SLC41A2: variants seen among roughly 807,000 people sequenced by gnomAD.
SLC41A2 encodes solute carrier family 41 member 2.
Under a neutral mutation model 58.3 loss-of-function variants are expected in SLC41A2, and 32 were observed. The ratio of observed to expected loss-of-function variants is 0.55; its 90% CI spans 0.41 to 0.74. SLC41A2 has a LOEUF of 0.74. SLC41A2 is among the 30% of genes least tolerant of loss of function. The pLI, the probability that SLC41A2 is intolerant of heterozygous loss-of-function variation, is 0.00. For synonymous variants in SLC41A2, 190 were observed against 235.0 expected (o/e 0.81, Z 1.75); for missense variants, 514 against 680.6 (o/e 0.76, Z 2.72).
Position 104,950,933 on chromosome 12 carries a change from G to A in SLC41A2, c.-168+7155C>T, listed in dbSNP as rs1286901059. ...GAACTGGGTATGCCTAGATTGAGGT[G>A]GCTGGGGGAGGGGTAAGCAGTAATA... On this transcript the variant is annotated intron_variant, in intron 1 of 10. Transcript: ENST00000258538. 2.6e-5 allele frequency among the ~76,000 whole-genome samples: 4 copies of A among 152,242 alleles called. No homozygotes were observed. The East Asian group carries it at 5.8e-4, about 22-fold the overall frequency.
At chr12:104,884,291 G>A (rs539825022) in intron 6 of SLC41A2, among the ~76,000 whole-genome samples, 11 of 152,248 alleles carry the variant, frequency 7.2e-5, no homozygotes, top group South Asian at 4.2e-4. Context: ...GACCCCTTGC[G>A]CTTCCCTGGT....
rs150094052 is a variant in SLC41A2 at position 104,933,303 on chromosome 12, G to T, written c.-167-4609C>A. On this transcript the variant is annotated intron_variant, in intron 1 of 10. Coordinates refer to ENST00000258538, the MANE Select transcript of SLC41A2 (RefSeq NM_001352171.3). Reference sequence around the variant, plus strand: ...GTGCTCAAAATCACTAATCATCAGGGAAATGCAAATTAAAACCACAATGAA... The same window carrying T: ...GTGCTCAAAATCACTAATCATCAGGTAAATGCAAATTAAAACCACAATGAA... Among the ~76,000 whole-genome samples the T allele has an allele frequency of 2.8e-3, 424 of 152,190 alleles. 3 individuals carry two copies. The highest frequency in any genetic ancestry group is 5.0e-3 in the Non-Finnish European group (342 of 68,012).
chr12:104,904,644 T>TGGCGCGTCTGGAG (rs2045726908), intron 3 of SLC41A2, among the ~76,000 whole-genome samples: 6 of 151,802 alleles, frequency 4.0e-5, no homozygotes, highest in Admixed American at 1.3e-4. Context: ...CCTTCTGATG[T>TGGCGCGTCTGGAG]TCAGATGTGT....
Position 104,900,825 on chromosome 12 carries a change from T to A in SLC41A2, c.664-5480A>T, listed in dbSNP as rs138989368. 6.4e-3 allele frequency among the ~76,000 whole-genome samples: 981 copies of A among 152,332 alleles called. 8 individuals are homozygous for A. The highest frequency in any genetic ancestry group is 0.023 in the African/African-American group (938 of 41,578). On this transcript the variant is annotated intron_variant, in intron 3 of 10. Coordinates refer to ENST00000258538, the MANE Select transcript of SLC41A2 (RefSeq NM_001352171.3). ...ATTAATATAATTATCTAGGTTTTAA[T>A]TTGACTTTATTTTAGAACTTTTAGA... is the stretch of plus-strand genomic sequence containing the variant.
intron 3 of SLC41A2, among the ~76,000 whole-genome samples, chr12:104,905,086 C>T (rs893700320): frequency 2.4e-4 from 36 of 151,938 alleles, no homozygotes; most frequent in Non-Finnish European, 3.8e-4. Flanking sequence ...AGGTTCTCCA[C>T]GTCCCCATCA....
intron 1 of SLC41A2, among the ~76,000 whole-genome samples, chr12:104,932,745 C>T (rs11112244): frequency 0.073 from 10,985 of 150,516 alleles, 440 homozygotes; most frequent in Middle Eastern, 0.094. Flanking sequence ...ATACAACCAA[C>T]TGATATTCAA....
intron 6 of SLC41A2, among the ~76,000 whole-genome samples, chr12:104,875,477 A>G (rs554560827): frequency 6.6e-6 from 1 of 152,192 alleles, no homozygotes; most frequent in East Asian, 1.9e-4. Context: ...GAAAATTGGT[A>G]TCAGGTGATG....
chr12:104,865,547 G>A (rs190085241), intron 7 of SLC41A2, among the ~76,000 whole-genome samples: 1 of 152,246 alleles, frequency 6.6e-6, no homozygotes, highest in African/African-American at 2.4e-5. Flanking sequence ...GCAGTTAGGT[G>A]TCAGCTTTTT....
In SLC41A2 at chr12:104,802,337, T is replaced by C. The variant is rs1470673566; in HGVS notation, c.*2815A>G. Among the ~76,000 whole-genome samples, 5 of 152,232 alleles carry C rather than the reference T, an allele frequency of 3.3e-5. No homozygotes were observed. Among genetic ancestry groups the C allele is most frequent in the African/African-American group, 1.2e-4 (5 of 41,464 alleles). On this transcript the variant is annotated 3_prime_UTR_variant, in exon 11 of 11. Transcript: ENST00000258538. ...GTGAATTCACATTACTTAAGACTGA[T>C]AATAGATTATTGTTGTGGGTAAATG...
At chr12:104,891,287 G>A (rs77012561) in intron 4 of SLC41A2, among the ~76,000 whole-genome samples, 2,882 of 152,074 alleles carry the variant, frequency 0.019, 32 homozygotes, top group African/African-American at 0.036. Flanking sequence ...CCCTAGCCAT[G>A]TCTGACTCCT....
At chr12:104,907,428 AC>A (rs1002516320) in intron 3 of SLC41A2, among the ~76,000 whole-genome samples, 1 of 152,080 alleles carries the variant, frequency 6.6e-6, no homozygotes, top group African/African-American at 2.4e-5. Flanking sequence ...GCTGACTGAT[AC>A]CCCCAAACAT....
At chr12:104,845,180 T>C (rs2042558963) in intron 9 of SLC41A2, among the ~76,000 whole-genome samples, 1 of 152,064 alleles carries the variant, frequency 6.6e-6, no homozygotes, top group Non-Finnish European at 1.5e-5. Flanking sequence ...TAGTCCCAGC[T>C]ACTCAGAAGG....
At chr12:104,867,203 T>C (rs2043510150) in intron 6 of SLC41A2, among the ~76,000 whole-genome samples, 1 of 152,058 alleles carries the variant, frequency 6.6e-6, no homozygotes, top group African/African-American at 2.4e-5. Context: ...AAAAACTAGG[T>C]TTGATTCTCA....
intron 1 of SLC41A2, among the ~76,000 whole-genome samples, chr12:104,947,315 T>A (rs2047764626): frequency 6.7e-6 from 1 of 149,980 alleles, no homozygotes; most frequent in African/African-American, 2.4e-5. Flanking sequence ...GCAATTCTTC[T>A]GCCTCAGCCT....
intron 7 of SLC41A2, 64 bp downstream of exon 7, chr12:104,866,368 A>G: frequency 1.4e-6 from 2 of 1,388,540 alleles, no homozygotes; most frequent in Non-Finnish European, 1.9e-6. Flanking sequence ...AGACACACAA[A>G]GACAGACAGA....
chr12:104,823,722 A>C (rs1329206937), intron 10 of SLC41A2, among the ~76,000 whole-genome samples: 3 of 152,216 alleles, frequency 2.0e-5, no homozygotes, highest in Admixed American at 2.0e-4. Flanking sequence ...ATTTCTTAGG[A>C]TATGAAAAGC....
intron 1 of SLC41A2, among the ~76,000 whole-genome samples, chr12:104,932,941 C>T (rs1207959123): frequency 2.0e-5 from 3 of 151,880 alleles, no homozygotes; most frequent in Admixed American, 2.0e-4. Flanking sequence ...TAGAAGAAAA[C>T]CTAGGAAAAA....
intron 7 of SLC41A2, among the ~76,000 whole-genome samples, chr12:104,863,120 A>G (rs1035930556): frequency 4.6e-5 from 7 of 152,232 alleles, no homozygotes; most frequent in South Asian, 2.1e-4. Context: ...TTTTATTTTT[A>G]TCATATAGAT....
chr12:104,860,175 T>C (rs2043155352), intron 8 of SLC41A2, among the ~76,000 whole-genome samples: 1 of 152,094 alleles, frequency 6.6e-6, no homozygotes, highest in Non-Finnish European at 1.5e-5. Flanking sequence ...AAATCTACTT[T>C]AGTGTTCAAC....
Sources: allele counts gnomAD v4.1 joint callset (sites outside exome capture counted in the v4.1 genomes callset), GRCh38; gene constraint gnomAD v4.1.1; transcripts MANE v1.5; gene names NCBI Gene and HGNC (gene_info 2026-07-23, HGNC 2026-07-21).